The following TYROBP variants were observed in gnomAD, a reference collection of about 807,000 sequenced individuals.
TYROBP encodes the protein transmembrane immune signaling adaptor TYROBP.
Under a neutral mutation model 17.1 loss-of-function variants are expected in TYROBP, and 14 were observed. That is an observed-to-expected ratio of 0.82 (90% CI 0.54 to 1.28). The LOEUF (loss-of-function observed/expected upper bound fraction) is 1.28. Ranked by LOEUF, TYROBP falls within the 50% of genes most tolerant of loss-of-function variation. The pLI, the probability that TYROBP is intolerant of heterozygous loss-of-function variation, is 0.00. For synonymous variants in TYROBP, 73 were observed against 67.4 expected (o/e 1.08, Z -0.41); for missense variants, 161 against 151.4 (o/e 1.06, Z -0.33).
At chr19:35,906,238 A>G (rs983275749) in intron 4 of TYROBP, among the ~76,000 whole-genome samples, 3 of 151,432 alleles carry the variant, frequency 2.0e-5, no homozygotes, top group Admixed American at 2.0e-4. Context: ...TTACAGGCGC[A>G]TGACACCATG....
At chr19:35,906,789 G>A (rs1051773172) in intron 4 of TYROBP, among the ~76,000 whole-genome samples, 10 of 149,956 alleles carry the variant, frequency 6.7e-5, no homozygotes, top group African/African-American at 1.2e-4. Context: ...GTGCAATTGC[G>A]TGATCTTGGC....
chr19:35,904,915 T>C (rs1975684599), intron 4 of TYROBP, among the ~76,000 whole-genome samples: 1 of 151,540 alleles, frequency 6.6e-6, no homozygotes, highest in South Asian at 2.1e-4. Context: ...GAGAGGCATT[T>C]CTCAATTTCC....
intron 4 of TYROBP, among the ~76,000 whole-genome samples, chr19:35,906,119 CTTTT>C (rs533744083): frequency 1.4e-5 from 2 of 140,320 alleles, no homozygotes; most frequent in Non-Finnish European, 3.1e-5. Flanking sequence ...AGACCCCTGT[CTTTT>C]TTTTTTTTTT....
chr19:35,905,094 T>C (rs541802004), intron 4 of TYROBP, among the ~76,000 whole-genome samples: 1 of 152,348 alleles, frequency 6.6e-6, no homozygotes, highest in South Asian at 2.1e-4. Flanking sequence ...TTAGCACTTA[T>C]AGGTGCTAGA....
chr19:35,908,060 C>T (rs1975773806), intron 1 of TYROBP, 108 bp downstream of exon 1: 1 of 1,017,988 alleles, frequency 9.8e-7, no homozygotes, highest in Admixed American at 2.0e-5. Flanking sequence ...TGGGGACCTG[C>T]TCCCATCCCA....
rs551873114 is a variant in TYROBP, at chr19:35,906,814, G to A, written c.276+404C>T. The stretch of plus-strand genomic sequence containing the variant: ...GTGATCTTGGCTCACTGCAACCTCC[G>A]CCTCCTGGGTCAAAGGATTCTCCTG... On this transcript the variant is annotated intron_variant, in intron 4 of 4. Transcript: ENST00000262629. Among the ~76,000 whole-genome samples the A allele has an allele frequency of 7.3e-5, 11 of 150,106 alleles. No individual in the cohort carries two copies. The South Asian group carries it at 1.7e-3, about 23-fold the overall frequency.
At chr19:35,907,355 T>C (rs1460206920) in intron 3 of TYROBP, 91 bp from the exon 4 acceptor site, 1 of 1,606,276 alleles carries the variant, frequency 6.2e-7, no homozygotes, top group Non-Finnish European at 8.5e-7. Context: ...TCCATTACCA[T>C]CCCTTTGGAT....
Position 35,907,729 on chromosome 19 carries a change from C to T in TYROBP, c.94+1G>A, listed in dbSNP as rs1444957322. 7 of 1,613,910 alleles carry T rather than the reference C, an allele frequency of 4.3e-6. No individual in the cohort carries two copies. Among genetic ancestry groups the T allele is most frequent in the Non-Finnish European group, 5.9e-6 (7 of 1,180,004 alleles). Reference sequence around the variant, plus strand: ...AGAGGGACTGCTGGGTCTAGGCCTACCGCTCTGGGCCTGGGCCTGGACAGG... The same window carrying T: ...AGAGGGACTGCTGGGTCTAGGCCTATCGCTCTGGGCCTGGGCCTGGACAGG... On this transcript the variant is annotated splice_donor_variant, in intron 2 of 4. Coordinates refer to ENST00000262629, the MANE Select transcript of TYROBP (RefSeq NM_003332.4). LOFTEE classifies it high-confidence loss of function.
intron 4 of TYROBP, among the ~76,000 whole-genome samples, chr19:35,906,944 T>C (rs967070347): frequency 1.3e-5 from 2 of 152,144 alleles, no homozygotes; most frequent in Non-Finnish European, 2.9e-5. Flanking sequence ...CTCGAACTCC[T>C]GACCTCAAGT....
At chr19:35,908,043 G>T in intron 1 of TYROBP, 125 bp downstream of exon 1, 2 of 890,608 alleles carry the variant, frequency 2.2e-6, no homozygotes, top group South Asian at 1.4e-5. Flanking sequence ...CACAGGCTTT[G>T]GGAGGTTGGG....
At chr19:35,904,707 G>T in intron 4 of TYROBP, 73 bp from the exon 5 acceptor site, 2 of 1,391,738 alleles carry the variant, frequency 1.4e-6, no homozygotes, top group Non-Finnish European at 2.0e-6. Context: ...GGCCTGCAAG[G>T]CCCCTGGCAG....
intron 3 of TYROBP, 37 bp downstream of exon 3, chr19:35,907,409 G>C (rs1207831827): frequency 6.2e-7 from 1 of 1,600,748 alleles, no homozygotes; most frequent in Non-Finnish European, 8.6e-7. Context: ...CCCCATCTAG[G>C]CAAGTCCTCA....
chr19:35,904,962 TA>T (rs78604543), intron 4 of TYROBP, among the ~76,000 whole-genome samples: 11,420 of 132,056 alleles, frequency 0.086, 681 homozygotes, highest in African/African-American at 0.19. Flanking sequence ...CCAGCCACTG[TA>T]AAAAAAAAAA....
At chr19:35,905,725 T>C (rs925249245) in intron 4 of TYROBP, among the ~76,000 whole-genome samples, 4 of 149,776 alleles carry the variant, frequency 2.7e-5, no homozygotes, top group Admixed American at 6.7e-5. Flanking sequence ...GAGGGAAAGG[T>C]GGGCGGATCA....
At chr19:35,907,418 C>T (rs757488165) in intron 3 of TYROBP, 28 bp downstream of exon 3, 1 of 1,600,932 alleles carries the variant, frequency 6.2e-7, no homozygotes, top group South Asian at 1.1e-5. Context: ...GGCAAGTCCT[C>T]AGGATGTCCC....
At position 35,905,496 on chromosome 19, in the gene TYROBP, C is replaced by A. The variant is rs1248585079; in HGVS notation, c.277-862G>T. On this transcript the variant is annotated intron_variant, in intron 4 of 4. Transcript: ENST00000262629. ...AGAGAGGGGGATAGATGACTAGATT[C>A]TCTTGTATACTCTATAGTTTTTAAA... 3.3e-5 allele frequency among the ~76,000 whole-genome samples: 5 copies of A among 152,016 alleles called. No homozygotes were observed. The East Asian group carries it at 9.6e-4, about 29-fold the overall frequency.
In TYROBP at chr19:35,904,534, C is replaced by A. The variant is rs1056372323; in HGVS notation, c.*35G>T. 41 of 1,608,254 alleles carry A rather than the reference C, an allele frequency of 2.5e-5. No individual in the cohort carries two copies. Among genetic ancestry groups the A allele is most frequent in the Non-Finnish European group, 3.2e-5 (38 of 1,176,288 alleles). On this transcript the variant is annotated 3_prime_UTR_variant, in exon 5 of 5. Coordinates refer to ENST00000262629, the MANE Select transcript of TYROBP (RefSeq NM_003332.4). ...GGGTGGGCTTCAGGAATGGCTGGATCCAGGTATCATGTTGCTGACTGTCAT... is the reference window on the plus strand; with the variant it reads ...GGGTGGGCTTCAGGAATGGCTGGATACAGGTATCATGTTGCTGACTGTCAT...
chr19:35,906,153 T>C (rs1975719011), intron 4 of TYROBP, among the ~76,000 whole-genome samples: 1 of 148,362 alleles, frequency 6.7e-6, no homozygotes, highest in Non-Finnish European at 1.5e-5. Context: ...TCTCACTCTG[T>C]CGCCCAGGCT....
At chr19:35,907,100 G>A (rs901964928) in intron 4 of TYROBP, 118 bp downstream of exon 4, 6 of 1,005,738 alleles carry the variant, frequency 6.0e-6, no homozygotes, top group Non-Finnish European at 7.7e-6. Context: ...GTGCCTTCAA[G>A]GTTTGGGGGT....
Sources: allele counts gnomAD v4.1 joint callset (sites outside exome capture counted in the v4.1 genomes callset), GRCh38; gene constraint gnomAD v4.1.1; transcripts MANE v1.5; gene names NCBI Gene and HGNC (gene_info 2026-07-23, HGNC 2026-07-21).